ERAP1: variants seen among roughly 807,000 people sequenced by gnomAD.
ERAP1 encodes endoplasmic reticulum aminopeptidase 1.
In ERAP1, 86 loss-of-function variants were observed where a neutral mutation model predicts 103.7. The observed-to-expected ratio is 0.83, with a 90% CI of 0.70 to 0.99. ERAP1 has a LOEUF of 0.99. Among genes scored for constraint, ERAP1 ranks in the 50% least tolerant of loss-of-function variants. The pLI is 0.00. For missense variants in ERAP1, 1,009 were observed against 1,128.4 expected, an observed-to-expected ratio of 0.89 and a Z score of 1.52; for synonymous variants, 398 against 402.4, an observed-to-expected ratio of 0.99 and a Z score of 0.13.
the ERAP1 span, among the ~76,000 whole-genome samples, chr5:96,914,148 T>TCTCTCACACACACACACACACA: frequency 3.0e-4 from 45 of 148,082 alleles, no homozygotes; most frequent in African/African-American, 1.0e-3. Context: ...TCTCTCTCTC[T>TCTCTCACACACACACACACACA]CACACACACA....
At chr5:96,907,609 A>G in the ERAP1 span, among the ~76,000 whole-genome samples, 1 of 151,166 alleles carries the variant, frequency 6.6e-6, no homozygotes, top group Non-Finnish European at 1.5e-5. Context: ...TAGCCGGGCC[A>G]GGTGGCTCAT....
the ERAP1 span, among the ~76,000 whole-genome samples, chr5:96,924,588 G>A: frequency 2.0e-5 from 3 of 151,756 alleles, no homozygotes; most frequent in Non-Finnish European, 2.9e-5. Context: ...ATAACAATTC[G>A]GGCTAACAGA....
chr5:96,766,242 A>T (rs1769896476), intron 19 of ERAP1: 2 of 677,152 alleles, frequency 3.0e-6, no homozygotes, highest in Non-Finnish European at 2.6e-6. Flanking sequence ...CCTTTACAAT[A>T]GCATAAAACA....
At chr5:96,767,955 G>T in intron 19 of ERAP1, 1 of 1,613,650 alleles carries the variant, frequency 6.2e-7, no homozygotes, top group South Asian at 1.1e-5. Flanking sequence ...AGGAGATCTG[G>T]ACAGCTGTCC....
chr5:96,773,593 T>TA (rs971440778), downstream of ERAP1: 4 of 151,550 alleles, frequency 2.6e-5, no homozygotes, highest in Admixed American at 1.3e-4. Flanking sequence ...CTTCTGCTTT[T>TA]AAAAAAATTA....
the ERAP1 span, among the ~76,000 whole-genome samples, chr5:96,872,704 G>A: frequency 3.3e-5 from 5 of 152,154 alleles, no homozygotes; most frequent in East Asian, 3.9e-4. Context: ...ATTGATTCTC[G>A]GATTGACAAT....
At chr5:96,822,749 G>A in the ERAP1 span, among the ~76,000 whole-genome samples, 121 of 152,198 alleles carry the variant, frequency 8.0e-4, no homozygotes, top group African/African-American at 2.7e-3. Flanking sequence ...AGACATACCC[G>A]AGACTGGGCA....
chr5:96,793,046 T>C (rs1776911704), intron 7 of ERAP1, among the ~76,000 whole-genome samples: 1 of 152,206 alleles, frequency 6.6e-6, no homozygotes, highest in East Asian at 1.9e-4. Context: ...TAGGGTCCTA[T>C]TGAGATATCA....
chr5:96,898,570 T>C, the ERAP1 span, among the ~76,000 whole-genome samples: 1 of 23,290 alleles, frequency 4.3e-5, no homozygotes, highest in African/African-American at 2.0e-4. Context: ...TCTACTAAAA[T>C]ACAAAAAAAA....
At chr5:96,883,081 G>T in the ERAP1 span, among the ~76,000 whole-genome samples, 2 of 152,138 alleles carry the variant, frequency 1.3e-5, no homozygotes, top group Admixed American at 1.3e-4. Flanking sequence ...AGAACTAGAA[G>T]TACCTGGGGG....
chr5:96,765,326 G>A, intron 19 of ERAP1: 3 of 402,488 alleles, frequency 7.5e-6, no homozygotes, highest in African/African-American at 7.0e-5. Context: ...TAAAGTAAAG[G>A]TAAAAAAAAA....
the ERAP1 span, among the ~76,000 whole-genome samples, chr5:96,916,456 CTTTTTTTT>C: frequency 4.1e-5 from 4 of 97,640 alleles, no homozygotes; most frequent in Non-Finnish European, 7.7e-5. Flanking sequence ...TTCTAGTTAT[CTTTTTTTT>C]TTTTTTTTTT....
At chr5:96,799,159 C>A (rs1454910100) in intron 3 of ERAP1, among the ~76,000 whole-genome samples, 1 of 152,126 alleles carries the variant, frequency 6.6e-6, no homozygotes, top group Non-Finnish European at 1.5e-5. Flanking sequence ...AGCCACCACA[C>A]CTGGCCAAAA....
the ERAP1 span, among the ~76,000 whole-genome samples, chr5:96,864,360 C>G: frequency 3.9e-5 from 6 of 152,182 alleles, no homozygotes; most frequent in Non-Finnish European, 7.3e-5. Flanking sequence ...GAGAGGCCAA[C>G]AGATGCTTCT....
the ERAP1 span, chr5:96,902,697 A>G: frequency 0.54 from 95,582 of 178,386 alleles, 25,923 homozygotes; most frequent in Admixed American, 0.58. Context: ...TTTAAAATTG[A>G]TTGCTTCTGG....
At chr5:96,779,746 G>A (rs1425597895) in intron 18 of ERAP1, among the ~76,000 whole-genome samples, 1 of 152,196 alleles carries the variant, frequency 6.6e-6, no homozygotes, top group Non-Finnish European at 1.5e-5. Context: ...GTTTAGGACT[G>A]AAGAAAAGTC....
Position 96,774,885 on chromosome 5 carries a change from G to GTATT in ERAP1, c.*1507_*1510dup, listed in dbSNP as rs1313315587. On this transcript the variant is annotated 3_prime_UTR_variant, in exon 19 of 19. Coordinates refer to ENST00000443439, the MANE Select transcript of ERAP1 (RefSeq NM_001040458.3). ...TCCAGAAGTCACTCTATTTTGTCGT[G>GTATT]TATTAGGGGAACACATTTTGACATT... 28 of 984,984 alleles carry GTATT rather than the reference G, an allele frequency of 2.8e-5. No homozygotes were observed. The African/African-American group carries it at 3.8e-4, about 14-fold the overall frequency. The allele number at this position is 984,984 out of a possible 1,614,324, so 61.0% of individuals were successfully genotyped here.
chr5:96,886,761 T>C, the ERAP1 span: 8 of 1,524,244 alleles, frequency 5.2e-6, no homozygotes. Context: ...TTCCACTCTC[T>C]GAGTGGCTTC....
chr5:96,776,357 G>A lies in ERAP1; in HGVS notation c.*39C>T, dbSNP rs762164766. On this transcript the variant is annotated 3_prime_UTR_variant, in exon 19 of 19. Coordinates refer to ENST00000443439, the MANE Select transcript of ERAP1 (RefSeq NM_001040458.3). ...TGAAAATACACTCAACAAAATGTTG[G>A]TGATTAGAGATAACAGGAACCTGGC... is the stretch of plus-strand genomic sequence containing the variant. 8 of 1,585,830 alleles carry A rather than the reference G, an allele frequency of 5.0e-6. No homozygotes were observed. In the South Asian group the frequency reaches 9.2e-5, roughly 18 times the overall value.
Sources: allele counts gnomAD v4.1 joint callset (sites outside exome capture counted in the v4.1 genomes callset), GRCh38; gene constraint gnomAD v4.1.1; transcripts MANE v1.5; gene names NCBI Gene and HGNC (gene_info 2026-07-23, HGNC 2026-07-21).